ESRP1: variants seen among roughly 807,000 people sequenced by gnomAD.
The protein encoded by ESRP1 is RNA-binding motif protein 35A.
Under a neutral mutation model 81.7 loss-of-function variants are expected in ESRP1, and 33 were observed. The observed-to-expected ratio is 0.40, with a 90% CI of 0.31 to 0.54. The LOEUF (loss-of-function observed/expected upper bound fraction) is 0.54. ESRP1 is among the 20% of genes least tolerant of loss of function. The pLI is 0.41. For missense variants in ESRP1, 672 were observed against 833.1 expected (o/e 0.81, Z 2.38); for synonymous variants, 320 against 303.3 (o/e 1.06, Z -0.57).
intron 15 of ESRP1, among the ~76,000 whole-genome samples, chr8:94,704,176 T>C (rs1198680854): frequency 5.7e-5 from 1 of 17,566 alleles, no homozygotes; most frequent in Admixed American, 5.7e-4. Flanking sequence ...CTTCTGAGAC[T>C]TTTTTTTTTT....
intron 2 of ESRP1, 68 bp downstream of exon 2, chr8:94,642,152 AGGGCGGCCCACGC>A: frequency 6.4e-7 from 1 of 1,552,324 alleles, no homozygotes; most frequent in South Asian, 1.2e-5. Context: ...ACGCCCTCTC[AGGGCGGCCCACGC>A]GTGTTCCCGG....
At chr8:94,686,173 C>A (rs1465531118) in intron 13 of ESRP1, among the ~76,000 whole-genome samples, 2 of 152,198 alleles carry the variant, frequency 1.3e-5, no homozygotes, top group Non-Finnish European at 2.9e-5. Flanking sequence ...CAGTGATCCA[C>A]CCGCCTCGGC....
intron 4 of ESRP1, among the ~76,000 whole-genome samples, chr8:94,653,553 A>G (rs950413395): frequency 2.8e-4 from 43 of 152,134 alleles, no homozygotes; most frequent in Non-Finnish European, 8.8e-5. Context: ...TTTGAAAAGG[A>G]CTTCCTTATT....
chr8:94,657,514 G>A lies in ESRP1; in HGVS notation c.491-4758G>A, dbSNP rs551783673. On this transcript the variant is annotated intron_variant, in intron 4 of 15. Coordinates refer to ENST00000433389, the MANE Select transcript of ESRP1 (RefSeq NM_017697.4). ...GTGTGTGTGTGTGTGTAAGGAGATGGCTTGGGCATTCAGGAGGTTGGGTGA... is the reference window on the plus strand; with the variant it reads ...GTGTGTGTGTGTGTGTAAGGAGATGACTTGGGCATTCAGGAGGTTGGGTGA... Among the ~76,000 whole-genome samples, 9 of 141,166 alleles carry A rather than the reference G, an allele frequency of 6.4e-5. No homozygotes were observed. In the South Asian group the frequency reaches 1.9e-3, roughly 30 times the overall value. The allele number at this position is 141,166 out of a possible 152,430, so 92.6% of individuals were successfully genotyped here.
chr8:94,655,065 T>TTGTG (rs1554575901), intron 4 of ESRP1, among the ~76,000 whole-genome samples: 2,493 of 147,620 alleles, frequency 0.017, 38 homozygotes, highest in South Asian at 0.071. Flanking sequence ...TTTGGGTTTT[T>TTGTG]TGTGTGTGTG....
In ESRP1 at chr8:94,689,811, C is replaced by CTTTTTTTTTTTTTTTTT. The variant is rs58359551; in HGVS notation, c.1821-2857_1821-2841dup. Among the ~76,000 whole-genome samples, 165 of 64,628 alleles carry CTTTTTTTTTTTTTTTTT rather than the reference C, an allele frequency of 2.6e-3. 11 individuals are homozygous for CTTTTTTTTTTTTTTTTT. Among genetic ancestry groups the CTTTTTTTTTTTTTTTTT allele is most frequent in the South Asian group, 3.2e-3 (7 of 2,176 alleles). The allele number at this position is 64,628 out of a possible 152,430, so 42.4% of individuals were successfully genotyped here. ...CACAGGCATGTGCTATGATGCCTGG[C>CTTTTTTTTTTTTTTTTT]TTTTTTTTTTTTTTTTTTTTTTTTT... On this transcript the variant is annotated intron_variant, in intron 13 of 15. Coordinates refer to ENST00000433389, the MANE Select transcript of ESRP1 (RefSeq NM_017697.4).
In ESRP1 at chr8:94,692,709, T is replaced by C. The variant is rs1192850805; in HGVS notation, c.1853T>C (p.Phe618Ser). The C allele has an allele frequency of 1.9e-6, 3 of 1,613,806 alleles. No individual in the cohort carries two copies. Among genetic ancestry groups the C allele is most frequent in the Non-Finnish European group, 2.5e-6 (3 of 1,179,860 alleles). The change falls in exon 14 of 16, where the codon TTC (phenylalanine) becomes TCC (serine). Residue 618 changes from phenylalanine (F) to serine (S), a missense_variant. Physicochemically the swap from Phe to Ser is radical, Grantham distance 155. Transcript: ENST00000433389. ...PPGSPNSLGY[F>S]PTAANLSGVP... ...GGTTCGCCTAATAGTCTTGGCTACT[T>C]CCCTACAGCTGCTAATCTTAGCGGT...
chr8:94,660,342 C>G (rs1459650062), intron 4 of ESRP1, among the ~76,000 whole-genome samples: 2 of 152,204 alleles, frequency 1.3e-5, no homozygotes, highest in Non-Finnish European at 2.9e-5. Flanking sequence ...TGACTCATGG[C>G]TGTAATCCCA....
intron 13 of ESRP1, among the ~76,000 whole-genome samples, chr8:94,684,341 A>G (rs560170082): frequency 2.0e-5 from 3 of 152,342 alleles, no homozygotes; most frequent in Non-Finnish European, 4.4e-5. Flanking sequence ...TTTTAGGAGC[A>G]CTAACAGAAA....
chr8:94,679,564 G>C (rs1381657156), intron 13 of ESRP1, among the ~76,000 whole-genome samples: 1 of 152,210 alleles, frequency 6.6e-6, no homozygotes, highest in Non-Finnish European at 1.5e-5. Flanking sequence ...TCTTGGAAAT[G>C]AGACCATGAA....
chr8:94,667,080 T>TGTGTGTGC (rs1008523722), intron 9 of ESRP1, among the ~76,000 whole-genome samples: 2 of 151,088 alleles, frequency 1.3e-5, no homozygotes, highest in African/African-American at 4.9e-5. Flanking sequence ...TGTGTGTGTG[T>TGTGTGTGC]GTGTGTGTGT....
chr8:94,673,232 T>C (rs1306917609), intron 11 of ESRP1, among the ~76,000 whole-genome samples: 1 of 152,246 alleles, frequency 6.6e-6, no homozygotes, highest in Non-Finnish European at 1.5e-5. Context: ...TGGTTTCTTA[T>C]TGAGTCACCA....
chr8:94,679,935 G>A (rs1308346647), intron 13 of ESRP1, among the ~76,000 whole-genome samples: 3 of 152,024 alleles, frequency 2.0e-5, no homozygotes, highest in Non-Finnish European at 2.9e-5. Context: ...TCCTCAAAAT[G>A]TCCAAAGAGT....
intron 15 of ESRP1, among the ~76,000 whole-genome samples, chr8:94,699,678 T>G (rs1015157926): frequency 3.3e-5 from 5 of 152,130 alleles, no homozygotes; most frequent in Non-Finnish European, 7.3e-5. Flanking sequence ...GTGAAATACT[T>G]GGCATAATTT....
chr8:94,654,509 T>C (rs1410190432), intron 4 of ESRP1, among the ~76,000 whole-genome samples: 2 of 152,204 alleles, frequency 1.3e-5, no homozygotes, highest in Non-Finnish European at 2.9e-5. Context: ...CTCCATCTTC[T>C]TTCTTCTAGG....
At chr8:94,700,953 ATGTGTGTGTGTG>A (rs371493650) in intron 15 of ESRP1, among the ~76,000 whole-genome samples, 12 of 137,400 alleles carry the variant, frequency 8.7e-5, no homozygotes, top group South Asian at 2.5e-4. Flanking sequence ...GTGTGTGTGT[ATGTGTGTGTGTG>A]TGTGTGTGTG....
At position 94,706,113 on chromosome 8, in the gene ESRP1, A is replaced by G. The variant is rs1649998516; in HGVS notation, c.*224A>G. The G allele has an allele frequency of 1.6e-6, 1 of 617,164 alleles. No individual in the cohort carries two copies. The highest frequency in any genetic ancestry group is 2.8e-6 in the Non-Finnish European group (1 of 361,722). 38.2% of individuals were successfully genotyped at this position (617,164 alleles called of 1,614,324 possible). On this transcript the variant is annotated 3_prime_UTR_variant, in exon 16 of 16. Coordinates refer to ENST00000433389, the MANE Select transcript of ESRP1 (RefSeq NM_017697.4). ...GTGAAGCCAAATCGTAACTTACAGC[A>G]AGCAGCATGCAGCATACCTGGCTCT...
chr8:94,681,204 T>C (rs930113782), intron 13 of ESRP1, among the ~76,000 whole-genome samples: 6 of 151,540 alleles, frequency 4.0e-5, no homozygotes, highest in Non-Finnish European at 7.4e-5. Flanking sequence ...TGGGTGCCTA[T>C]AGTCCCAGCT....
At chr8:94,657,119 C>T (rs1183695846) in intron 4 of ESRP1, among the ~76,000 whole-genome samples, 1 of 152,338 alleles carries the variant, frequency 6.6e-6, no homozygotes, top group East Asian at 1.9e-4. Context: ...TAAAGTTTTA[C>T]TTGCTCAGTT....
Sources: gnomAD v4.1 joint callset for allele counts (sites outside exome capture counted in the v4.1 genomes callset) on GRCh38, gnomAD v4.1.1 for gene constraint, MANE v1.5 for transcripts, NCBI Gene and HGNC (gene_info 2026-07-23, HGNC 2026-07-21) for gene names.